LEPR: variants seen among roughly 807,000 people sequenced by gnomAD.
LEPR encodes the protein OB receptor.
LEPR carries 56 observed loss-of-function variants against 114.7 expected under a neutral mutation model. The observed-to-expected ratio is 0.49, with a 90% CI of 0.39 to 0.61. The LOEUF (loss-of-function observed/expected upper bound fraction) is 0.61, where lower values mean the gene tolerates loss of function less well. Among genes scored for constraint, LEPR ranks in the 20% least tolerant of loss-of-function variants. The probability of loss-of-function intolerance (pLI) is 0.00; values close to 1 mark genes in which losing one functional copy is unlikely to be tolerated. For synonymous variants in LEPR, 443 were observed against 461.4 expected (o/e 0.96, Z 0.51); for missense variants, 1,202 against 1,352.9 (o/e 0.89, Z 1.75).
At chr1:65,606,063 G>A (rs984723464) in intron 11 of LEPR, among the ~76,000 whole-genome samples, 1 of 151,542 alleles carries the variant, frequency 6.6e-6, no homozygotes, top group African/African-American at 2.4e-5. Context: ...TTTTGTTGGG[G>A]GATTATGTCA....
chr1:65,458,003 GT>G (rs1646899045), intron 2 of LEPR, among the ~76,000 whole-genome samples: 1 of 152,164 alleles, frequency 6.6e-6, no homozygotes, highest in East Asian at 1.9e-4. Flanking sequence ...TACCTACAAA[GT>G]TGAGGCCTAT....
At chr1:65,596,768 T>C (rs1281721238) in intron 7 of LEPR, among the ~76,000 whole-genome samples, 175 bp downstream of exon 7, 2 of 152,156 alleles carry the variant, frequency 1.3e-5, no homozygotes, top group Non-Finnish European at 2.9e-5. Context: ...CGTATGTATA[T>C]ATATGGCTAT....
At chr1:65,460,570 G>C (rs189523054) in intron 2 of LEPR, among the ~76,000 whole-genome samples, 1 of 152,246 alleles carries the variant, frequency 6.6e-6, no homozygotes, top group African/African-American at 2.4e-5. Flanking sequence ...CAAAGTCATG[G>C]AACTCTTCAC....
intron 2 of LEPR, among the ~76,000 whole-genome samples, chr1:65,515,635 T>G (rs1019751626): frequency 6.6e-6 from 1 of 152,234 alleles, no homozygotes; most frequent in Non-Finnish European, 1.5e-5. Context: ...AATTTATGGC[T>G]TGACAATAGA....
chr1:65,485,913 A>T (rs1321037832), intron 2 of LEPR, among the ~76,000 whole-genome samples: 1 of 152,174 alleles, frequency 6.6e-6, no homozygotes, highest in African/African-American at 2.4e-5. Context: ...CTGGAGTGTC[A>T]GATGGAGTTA....
intron 19 of LEPR, among the ~76,000 whole-genome samples, chr1:65,626,905 A>T (rs891968107): frequency 1.3e-5 from 2 of 152,112 alleles, no homozygotes; most frequent in African/African-American, 4.8e-5. Flanking sequence ...AAAATGCTGG[A>T]CTTAACAGAT....
chr1:65,458,953 C>T (rs753731234), intron 2 of LEPR, among the ~76,000 whole-genome samples: 24 of 152,158 alleles, frequency 1.6e-4, no homozygotes, highest in Non-Finnish European at 2.5e-4. Context: ...CTTATCTCAG[C>T]CATATCCAGT....
At chr1:65,429,868 C>T (rs767253240) in intron 2 of LEPR, 1 of 1,482,874 alleles carries the variant, frequency 6.7e-7, no homozygotes, top group Non-Finnish European at 9.1e-7. Context: ...ACAGCGTTTA[C>T]TGGCCCTTAT....
intron 5 of LEPR, among the ~76,000 whole-genome samples, chr1:65,579,335 T>C (rs1208768167): frequency 6.6e-6 from 1 of 152,168 alleles, no homozygotes; most frequent in African/African-American, 2.4e-5. Context: ...GTTTCTAGTC[T>C]ATAGAAAGTG....
chr1:65,545,583 C>T (rs868628976), intron 2 of LEPR, among the ~76,000 whole-genome samples: 694 of 132,260 alleles, frequency 5.2e-3, no homozygotes, highest in African/African-American at 0.018. Flanking sequence ...TTTCATGTGT[C>T]TTTTGGCTAC....
chr1:65,466,199 G>A (rs1647009849), intron 2 of LEPR, among the ~76,000 whole-genome samples: 1 of 152,094 alleles, frequency 6.6e-6, no homozygotes, highest in Admixed American at 6.5e-5. Flanking sequence ...CTTCCTTCAA[G>A]AGCTCTTGTA....
intron 2 of LEPR, among the ~76,000 whole-genome samples, chr1:65,564,675 GT>G (rs995496714): frequency 3.9e-5 from 6 of 152,138 alleles, no homozygotes; most frequent in African/African-American, 1.4e-4. Flanking sequence ...TCTGAAAGGG[GT>G]TGTAGAGACC....
chr1:65,575,409 A>ACTT (rs1654514389), intron 5 of LEPR, among the ~76,000 whole-genome samples: 1 of 151,334 alleles, frequency 6.6e-6, no homozygotes, highest in Non-Finnish European at 1.5e-5. Flanking sequence ...TTTCCCTACA[A>ACTT]CTTCCTTATA....
Position 65,633,696 on chromosome 1 carries a change from A to C in LEPR, c.2674-2495A>C, listed in dbSNP as rs1390100152. The C allele has an allele frequency of 4.1e-6, 4 of 985,448 alleles. No homozygotes were observed. The East Asian group carries it at 4.5e-4, about 112-fold the overall frequency. 61.0% of individuals were successfully genotyped at this position (985,448 alleles called of 1,614,324 possible). On this transcript the variant is annotated intron_variant, in intron 19 of 19. Transcript: ENST00000349533. The surrounding 1 kb of genome is among the most constrained non-coding windows in gnomAD (Gnocchi z 4.1). ...CCTTTATAGACACGTCAGCCTAAAA[A>C]TCAGCCTATTCGGGTGTTCTTTTGA...
chr1:65,490,476 C>T (rs190345134), intron 2 of LEPR, among the ~76,000 whole-genome samples: 1 of 152,002 alleles, frequency 6.6e-6, no homozygotes, highest in East Asian at 1.9e-4. Flanking sequence ...GAGCAAATTC[C>T]CTTGGACTTC....
At chr1:65,620,172 A>C in intron 17 of LEPR, 149 bp downstream of exon 17, 1 of 664,730 alleles carries the variant, frequency 1.5e-6, no homozygotes, top group Non-Finnish European at 2.6e-6. Context: ...GTTCCAAAGG[A>C]AATATTTTTT....
intron 19 of LEPR, among the ~76,000 whole-genome samples, chr1:65,623,794 A>C (rs954733939): frequency 6.6e-6 from 1 of 152,214 alleles, no homozygotes; most frequent in African/African-American, 2.4e-5. Flanking sequence ...TGAAGCTATT[A>C]ATAGTACTCA....
intron 19 of LEPR, chr1:65,630,251 C>G (rs1658448849): frequency 5.7e-6 from 2 of 348,956 alleles, no homozygotes. Context: ...TCCCTAATCT[C>G]AAGTACCCAG....
At chr1:65,425,641 C>T (rs1646347070) in intron 2 of LEPR, among the ~76,000 whole-genome samples, 1 of 114,234 alleles carries the variant, frequency 8.8e-6, no homozygotes. Context: ...GAGTCCTGTC[C>T]TCAAAGAGGA....
Sources: allele counts gnomAD v4.1 joint callset (sites outside exome capture counted in the v4.1 genomes callset), GRCh38; gene constraint gnomAD v4.1.1; non-coding constraint Gnocchi (gnomAD v3.1); transcripts MANE v1.5; gene names NCBI Gene and HGNC (gene_info 2026-07-23, HGNC 2026-07-21).